PLEKHM2: variants seen among roughly 807,000 people sequenced by gnomAD.
The protein encoded by PLEKHM2 is pleckstrin homology domain-containing family M member 2.
In PLEKHM2, 77 loss-of-function variants were observed where a neutral mutation model predicts 116.3. The observed-to-expected ratio is 0.66, with a 90% CI of 0.55 to 0.80. PLEKHM2 has a LOEUF of 0.80. Among genes scored for constraint, PLEKHM2 ranks in the 30% least tolerant of loss-of-function variants. PLEKHM2 has a pLI of 0.00. For missense variants in PLEKHM2, 1,183 were observed against 1,354.9 expected, an observed-to-expected ratio of 0.87 and a Z score of 1.99; for synonymous variants, 562 against 571.0, an observed-to-expected ratio of 0.98 and a Z score of 0.22.
chr1:15,684,875 C>G (rs1640736051), intron 1 of PLEKHM2, among the ~76,000 whole-genome samples: 2 of 152,094 alleles, frequency 1.3e-5, no homozygotes, highest in Non-Finnish European at 2.9e-5. Context: ...GGGCCCTGCC[C>G]TCCCGGAGAG....
intron 1 of PLEKHM2, among the ~76,000 whole-genome samples, chr1:15,712,134 A>AG (rs1641346697): frequency 1.3e-5 from 2 of 151,802 alleles, no homozygotes; most frequent in South Asian, 4.1e-4. Context: ...AAAAAAAAAA[A>AG]AAAAAGAGCT....
intron 14 of PLEKHM2, 44 bp from the exon 15 acceptor site, chr1:15,730,488 C>T: frequency 2.7e-6 from 4 of 1,465,008 alleles, no homozygotes; most frequent in Non-Finnish European, 3.7e-6. Flanking sequence ...CCTGCCTGGC[C>T]CAGGCCTTAC....
rs1571065547 is a variant in PLEKHM2 at position 15,726,902 on chromosome 1, T to C, written c.942-112T>C. The C allele has an allele frequency of 1.8e-5, 12 of 674,972 alleles. No individual in the cohort carries two copies. In the Middle Eastern group the frequency reaches 4.1e-3, roughly 231 times the overall value. 41.8% of individuals were successfully genotyped at this position (674,972 alleles called of 1,614,324 possible). A position where few individuals can be genotyped will look rare whatever the true frequency, so the allele number is the denominator to read the frequency against. On this transcript the variant is annotated intron_variant, in intron 8 of 19. Coordinates refer to ENST00000375799, the MANE Select transcript of PLEKHM2 (RefSeq NM_015164.4). ...GCACTGCCTAGGACCACTGACGCAC[T>C]AGCTGTGCCCTCAGAGGCTACATGG...
intron 7 of PLEKHM2, among the ~76,000 whole-genome samples, chr1:15,723,719 C>T (rs1460721371): frequency 2.8e-5 from 4 of 142,232 alleles, no homozygotes; most frequent in East Asian, 2.0e-4. Flanking sequence ...CGCTCCAGTC[C>T]GAGCGACACA....
At chr1:15,725,606 G>C in intron 8 of PLEKHM2, 61 bp downstream of exon 8, 1 of 1,223,212 alleles carries the variant, frequency 8.2e-7, no homozygotes, top group Non-Finnish European at 1.2e-6. Flanking sequence ...TCCACTCCCA[G>C]CATCAGCTGT....
intron 15 of PLEKHM2, 93 bp from the exon 16 acceptor site, chr1:15,731,099 G>C (rs780583834): frequency 4.6e-5 from 41 of 894,272 alleles, no homozygotes; most frequent in Non-Finnish European, 6.8e-5. Flanking sequence ...CATGGCCGCA[G>C]CATGTGCGTG....
At chr1:15,725,793 G>A (rs1458803125) in intron 8 of PLEKHM2, 4 of 548,024 alleles carry the variant, frequency 7.3e-6, no homozygotes, top group Non-Finnish European at 1.3e-5. Flanking sequence ...CTTTCTCACA[G>A]CTCTGGAGCC....
At chr1:15,715,106 G>C (rs993760403) in intron 1 of PLEKHM2, among the ~76,000 whole-genome samples, 1 of 152,166 alleles carries the variant, frequency 6.6e-6, no homozygotes, top group Non-Finnish European at 1.5e-5. Flanking sequence ...CGTGAGCCTT[G>C]CATGCACCTA....
At position 15,729,639 on chromosome 1, in the gene PLEKHM2, G is replaced by A. The variant is rs1274138877; in HGVS notation, c.2076-158G>A. Among the ~76,000 whole-genome samples the A allele has an allele frequency of 2.0e-5, 3 of 152,164 alleles. No individual in the cohort carries two copies. Among genetic ancestry groups the A allele is most frequent in the Non-Finnish European group, 4.4e-5 (3 of 68,034 alleles). On this transcript the variant is annotated intron_variant, in intron 13 of 19. Transcript: ENST00000375799. This position sits in a 1 kb window ranked among gnomAD's most constrained non-coding sequence, Gnocchi z 4.7. ...GTTGTCATTTGATGACCTTGGACCT[G>A]CGTCATTGCCGCACCTGCCGCCCTG...
intron 19 of PLEKHM2, among the ~76,000 whole-genome samples, 198 bp from the exon 20 acceptor site, chr1:15,733,599 G>A (rs780626327): frequency 4.6e-5 from 7 of 152,246 alleles, no homozygotes; most frequent in Non-Finnish European, 1.0e-4. Context: ...GGAGCTCGGG[G>A]GGCACCACCC....
At chr1:15,701,113 C>CAA (rs35537871) in intron 1 of PLEKHM2, among the ~76,000 whole-genome samples, 133 of 81,748 alleles carry the variant, frequency 1.6e-3, no homozygotes, top group South Asian at 3.3e-3. Context: ...AACTCTGTCT[C>CAA]AAAAAAAAAA....
At chr1:15,726,031 G>A (rs2068060368) in intron 8 of PLEKHM2, among the ~76,000 whole-genome samples, 1 of 152,100 alleles carries the variant, frequency 6.6e-6, no homozygotes, top group Admixed American at 6.6e-5. Context: ...ATCTGGAGGG[G>A]ACACACACAT....
Position 15,734,060 on chromosome 1 carries a change from A to C in PLEKHM2, c.*126A>C. 9.2e-7 allele frequency: 1 copy of C among 1,092,026 alleles called. No individual in the cohort carries two copies. Among genetic ancestry groups the C allele is most frequent in the Non-Finnish European group, 1.3e-6 (1 of 784,392 alleles). The allele number at this position is 1,092,026 out of a possible 1,614,324, so 67.6% of individuals were successfully genotyped here. A position where few individuals can be genotyped will look rare whatever the true frequency, so the allele number is the denominator to read the frequency against. ...CACCCCTGCCCTGGGCGGCAGAACC[A>C]CCGAGTGTGGCTTAAGACAGGGTCC... is the stretch of plus-strand genomic sequence containing the variant. On this transcript the variant is annotated 3_prime_UTR_variant, in exon 20 of 20. Coordinates refer to ENST00000375799, the MANE Select transcript of PLEKHM2 (RefSeq NM_015164.4).
intron 1 of PLEKHM2, among the ~76,000 whole-genome samples, chr1:15,703,028 C>G (rs1641149444): frequency 6.6e-6 from 1 of 152,234 alleles, no homozygotes. Context: ...CAGCGCCCAG[C>G]CCTCAGGTGG....
In PLEKHM2 at chr1:15,684,413, G is replaced by A. The variant is rs1251945336; in HGVS notation, c.-146G>A. 5 of 259,154 alleles carry A rather than the reference G, an allele frequency of 1.9e-5. No individual in the cohort carries two copies. The highest frequency in any genetic ancestry group is 3.0e-5 in the Non-Finnish European group (5 of 169,242). The allele number at this position is 259,154 out of a possible 1,614,324, so 16.1% of individuals were successfully genotyped here. On this transcript the variant is annotated 5_prime_UTR_variant, in exon 1 of 20. Coordinates refer to ENST00000375799, the MANE Select transcript of PLEKHM2 (RefSeq NM_015164.4). ...CCAGGCGAGGCGAGGGCCGGGCGGCGGGCGCCGGGCCCCGCGGCCGGCACG... is the reference window on the plus strand; with the variant it reads ...CCAGGCGAGGCGAGGGCCGGGCGGCAGGCGCCGGGCCCCGCGGCCGGCACG...
At chr1:15,717,424 T>C (rs991215079) in intron 3 of PLEKHM2, among the ~76,000 whole-genome samples, 3 of 152,076 alleles carry the variant, frequency 2.0e-5, no homozygotes, top group Non-Finnish European at 2.9e-5. Context: ...AATAAAATAA[T>C]AGTAATAAAT....
intron 7 of PLEKHM2, chr1:15,723,444 A>G (rs2068020483): frequency 7.3e-6 from 1 of 137,834 alleles, no homozygotes; most frequent in Non-Finnish European, 1.6e-5. Flanking sequence ...AAAAGACAGC[A>G]GACTTAAAAA....
At position 15,733,885 on chromosome 1, in the gene PLEKHM2, G is replaced by A. The variant is rs767123439; in HGVS notation, c.3011G>A (p.Arg1004Gln). ...ALSLIHSAWQRSDSLCRGRAS... is the reference protein window; with the variant it reads ...ALSLIHSAWQQSDSLCRGRAS... ...AGCCTCATCCACAGCGCCTGGCAGCGGAGCGACAGTCTCTGCCGCGGCCGA... is the reference window on the plus strand; with the variant it reads ...AGCCTCATCCACAGCGCCTGGCAGCAGAGCGACAGTCTCTGCCGCGGCCGA... The change falls in exon 20 of 20, where the codon CGG becomes CAG. Residue 1004 changes from arginine to glutamine, a missense_variant. Physicochemically the swap from Arg to Gln is conservative, Grantham distance 43. Around this residue, in one of 3 missense-constraint regions of PLEKHM2, gnomAD observed 594 missense variants for 720.1 expected, o/e 0.82. Coordinates refer to ENST00000375799, the MANE Select transcript of PLEKHM2 (RefSeq NM_015164.4). 6 of 1,612,952 alleles carry A rather than the reference G, an allele frequency of 3.7e-6. No individual in the cohort carries two copies. Among genetic ancestry groups the A allele is most frequent in the Non-Finnish European group, 5.1e-6 (6 of 1,179,844 alleles).
intron 6 of PLEKHM2, among the ~76,000 whole-genome samples, chr1:15,720,128 T>TTATATAAA (rs147079334): frequency 2.6e-5 from 3 of 115,924 alleles, no homozygotes; most frequent in African/African-American, 1.3e-4. Context: ...AAAGCTGAAA[T>TTATATAAA]TATATATATA....
Sources: allele counts gnomAD v4.1 joint callset (sites outside exome capture counted in the v4.1 genomes callset), GRCh38; gene constraint gnomAD v4.1.1; regional missense constraint gnomAD v4.1.1; non-coding constraint Gnocchi (gnomAD v3.1); transcripts MANE v1.5; gene names NCBI Gene and HGNC (gene_info 2026-07-23, HGNC 2026-07-21).